Variants in TMEM132D observed in about 807,000 individuals in gnomAD.
TMEM132D encodes the protein mature OL transmembrane protein.
TMEM132D carries 21 observed loss-of-function variants against 62.3 expected under a neutral mutation model. That is an observed-to-expected ratio of 0.34 (90% confidence interval 0.24 to 0.49). The LOEUF is 0.49. Ranked by LOEUF, TMEM132D falls within the 20% of genes least tolerant of loss-of-function variation. The pLI is 0.99. For synonymous variants in TMEM132D, 621 were observed against 575.6 expected, an observed-to-expected ratio of 1.08 and a Z score of -1.13; for missense variants, 1,346 against 1,402.8, an observed-to-expected ratio of 0.96 and a Z score of 0.65.
intron 1 of TMEM132D, among the ~76,000 whole-genome samples, chr12:129,815,244 C>T (rs965591321): frequency 6.6e-6 from 1 of 151,958 alleles, no homozygotes; most frequent in Non-Finnish European, 1.5e-5. Flanking sequence ...CTTAGTTCTA[C>T]CACAAAAAAA....
chr12:129,189,075 G>A (rs1355719690), intron 5 of TMEM132D, among the ~76,000 whole-genome samples: 1 of 152,156 alleles, frequency 6.6e-6, no homozygotes, highest in Admixed American at 6.5e-5. Flanking sequence ...GATAAGAGAG[G>A]CTATTTTACA....
chr12:129,517,778 G>A (rs1875726254), intron 3 of TMEM132D, among the ~76,000 whole-genome samples: 4 of 152,176 alleles, frequency 2.6e-5, no homozygotes, highest in Admixed American at 6.5e-5. Context: ...AAATTAGTTT[G>A]GAGGTAGTTT....
intron 2 of TMEM132D, among the ~76,000 whole-genome samples, chr12:129,660,670 A>G (rs184746251): frequency 6.6e-6 from 1 of 152,184 alleles, no homozygotes; most frequent in Admixed American, 6.5e-5. Context: ...ATGAGGAGTC[A>G]CTCATGTGCG....
chr12:129,770,012 G>A (rs373880224), intron 1 of TMEM132D, among the ~76,000 whole-genome samples: 1 of 151,918 alleles, frequency 6.6e-6, no homozygotes, highest in Non-Finnish European at 1.5e-5. Flanking sequence ...GGAGATGGGG[G>A]TCTTGATTTG....
rs2135605083 is a variant in TMEM132D at position 129,074,892 on chromosome 12, T to C, written c.2283A>G (p.Glu761=). Residue 761 remains glutamate, a synonymous_variant, in exon 9 of 9, where the codon GAA becomes GAG. Coordinates refer to ENST00000422113, the MANE Select transcript of TMEM132D (RefSeq NM_133448.3). ...FKWPIIAAET[E]GQGTLVKVEM... The stretch of plus-strand genomic sequence containing the variant: ...CCACCTTGACCAGGGTGCCTTGTCC[T>C]TCTGTTTCCGCAGCAATGATAGGCC... 1 of 1,614,058 alleles carries C rather than the reference T, an allele frequency of 6.2e-7. No individual in the cohort carries two copies. Among genetic ancestry groups the C allele is most frequent in the Non-Finnish European group, 8.5e-7 (1 of 1,180,006 alleles).
At chr12:129,351,521 G>C (rs1370629072) in intron 3 of TMEM132D, among the ~76,000 whole-genome samples, 1 of 152,174 alleles carries the variant, frequency 6.6e-6, no homozygotes, top group Non-Finnish European at 1.5e-5. Context: ...GAGGGAACTT[G>C]TGCTTTGATC....
chr12:129,578,679 C>G (rs1452983574), intron 2 of TMEM132D, among the ~76,000 whole-genome samples: 3 of 151,986 alleles, frequency 2.0e-5, no homozygotes, highest in Non-Finnish European at 4.4e-5. Flanking sequence ...CACGTGAAGG[C>G]CAGAGAACTG....
At chr12:129,391,938 G>A (rs1422369036) in intron 3 of TMEM132D, among the ~76,000 whole-genome samples, 1 of 151,116 alleles carries the variant, frequency 6.6e-6, no homozygotes, top group African/African-American at 2.4e-5. Flanking sequence ...TGTAGTTTTA[G>A]TAGAGACAGG....
At chr12:129,377,055 T>C (rs1168613315) in intron 3 of TMEM132D, among the ~76,000 whole-genome samples, 2 of 152,220 alleles carry the variant, frequency 1.3e-5, no homozygotes, top group African/African-American at 4.8e-5. Flanking sequence ...AATTCCTGTT[T>C]TAGCAAACAA....
rs148835672 is a variant in TMEM132D at position 129,258,278 on chromosome 12, TATA to T, written c.1300-48618_1300-48616del. On this transcript the variant is annotated intron_variant, in intron 4 of 8. Coordinates refer to ENST00000422113, the MANE Select transcript of TMEM132D (RefSeq NM_133448.3). ...GTATAGCAGATAGTACATATATAAA[TATA>T]TAAGGCATAGAACATGCTAGCAAAG... 5.7e-3 allele frequency among the ~76,000 whole-genome samples: 867 copies of T among 152,096 alleles called. 6 individuals are homozygous for T. The highest frequency in any genetic ancestry group is 0.02 in the African/African-American group (832 of 41,484).
At chr12:129,493,309 T>C (rs1260439137) in intron 3 of TMEM132D, among the ~76,000 whole-genome samples, 1 of 152,234 alleles carries the variant, frequency 6.6e-6, no homozygotes, top group Non-Finnish European at 1.5e-5. Context: ...TAAGACAGCA[T>C]TGAAGATGAT....
chr12:129,488,878 G>T (rs534722258), intron 3 of TMEM132D, among the ~76,000 whole-genome samples: 1 of 151,570 alleles, frequency 6.6e-6, no homozygotes, highest in Non-Finnish European at 1.5e-5. Flanking sequence ...AGCACCTTCC[G>T]CCTCATTTGG....
rs575539866 is a variant in TMEM132D, at chr12:129,073,726, C to T, written c.*149G>A. ...CGATGCGGACTCCAGGCCTCGCCGC[C>T]GAGCCGGGGTCATTGGCTGAGGCTG... On this transcript the variant is annotated 3_prime_UTR_variant, in exon 9 of 9. Coordinates refer to ENST00000422113, the MANE Select transcript of TMEM132D (RefSeq NM_133448.3). The T allele has an allele frequency of 3.1e-4, 211 of 684,942 alleles. No individual in the cohort carries two copies. Among genetic ancestry groups the T allele is most frequent in the African/African-American group, 3.0e-3 (166 of 55,636 alleles). The allele number at this position is 684,942 out of a possible 1,614,324, so 42.4% of individuals were successfully genotyped here.
chr12:129,363,164 C>T (rs1014736156), intron 3 of TMEM132D, among the ~76,000 whole-genome samples: 22 of 152,170 alleles, frequency 1.4e-4, no homozygotes, highest in African/African-American at 5.1e-4. Flanking sequence ...CTTTGCTTGA[C>T]AAGCGTCTTT....
At chr12:129,382,737 A>G (rs1289556215) in intron 3 of TMEM132D, among the ~76,000 whole-genome samples, 1 of 152,158 alleles carries the variant, frequency 6.6e-6, no homozygotes, top group Non-Finnish European at 1.5e-5. Flanking sequence ...GAGGCTTTTG[A>G]AAAAGTCAAA....
intron 1 of TMEM132D, chr12:129,854,731 T>A (rs1873663581): frequency 6.6e-6 from 1 of 152,172 alleles, no homozygotes; most frequent in Non-Finnish European, 1.5e-5. Flanking sequence ...GTAGGTGTTG[T>A]GCTAGCACCC....
chr12:129,115,156 A>G (rs1185643476), intron 5 of TMEM132D, among the ~76,000 whole-genome samples: 2 of 152,210 alleles, frequency 1.3e-5, no homozygotes, highest in African/African-American at 4.8e-5. Flanking sequence ...TCACATAACT[A>G]CCAGTGACAT....
chr12:129,325,048 A>G (rs536854625), intron 4 of TMEM132D, among the ~76,000 whole-genome samples: 15 of 152,238 alleles, frequency 9.9e-5, no homozygotes, highest in African/African-American at 3.4e-4. Flanking sequence ...GCAGATGACA[A>G]AAGTGAGGTG....
chr12:129,075,698 G>T (rs1320858489), intron 8 of TMEM132D, among the ~76,000 whole-genome samples: 3 of 152,222 alleles, frequency 2.0e-5, no homozygotes, highest in African/African-American at 7.2e-5. Flanking sequence ...GAAGCATCTT[G>T]ATTGGAGAGT....
Sources: allele counts gnomAD v4.1 joint callset (sites outside exome capture counted in the v4.1 genomes callset), GRCh38; gene constraint gnomAD v4.1.1; transcripts MANE v1.5; gene names NCBI Gene and HGNC (gene_info 2026-07-23, HGNC 2026-07-21).